Variants in COA1 observed in about 807,000 individuals in gnomAD.
COA1 encodes cytochrome c oxidase assembly factor 1 homolog.
COA1 carries 13 observed loss-of-function variants against 16.0 expected under a neutral mutation model. The ratio of observed to expected loss-of-function variants is 0.81; its 90% confidence interval spans 0.53 to 1.29. The LOEUF is 1.29. Among genes scored for constraint, COA1 ranks in the 50% most tolerant of loss-of-function variants. COA1 has a pLI of 0.00. For missense variants in COA1, 179 were observed against 177.0 expected (o/e 1.01, Z -0.06); for synonymous variants, 65 against 65.7 (o/e 0.99, Z 0.05).
At chr7:43,710,972 C>T (rs1249135752) in intron 1 of COA1, among the ~76,000 whole-genome samples, 4 of 151,670 alleles carry the variant, frequency 2.6e-5, no homozygotes, top group African/African-American at 9.7e-5. Context: ...ATAACTGCTC[C>T]AACCAGCAAT....
chr7:43,684,127 T>C (rs1040458738), intron 1 of COA1, among the ~76,000 whole-genome samples: 2 of 152,132 alleles, frequency 1.3e-5, no homozygotes, highest in Non-Finnish European at 2.9e-5. Flanking sequence ...AAAGGTAATT[T>C]TTTTTCCACA....
At chr7:43,637,675 T>TA (rs1247538937), downstream of COA1, among the ~76,000 whole-genome samples, 1 of 152,110 alleles carries the variant, frequency 6.6e-6, no homozygotes, top group African/African-American at 2.4e-5. Context: ...GAATCACCCA[T>TA]AAAGGCATTA....
rs1478917483 is a variant in COA1 at position 43,682,238 on chromosome 7, A to G, written c.-38-33586T>C. On this transcript the variant is annotated intron_variant, in intron 1 of 5. Coordinates refer to ENST00000223336, the MANE Select transcript of COA1 (RefSeq NM_018224.4). ...GTCAAACCATAAACAGACCACTAAG[A>G]CTTTCTTAGTCTACTCCAATGTAGT... is the stretch of plus-strand genomic sequence containing the variant. Among the ~76,000 whole-genome samples, 3 of 152,186 alleles carry G rather than the reference A, an allele frequency of 2.0e-5. No individual in the cohort carries two copies. In the East Asian group the frequency reaches 5.8e-4, roughly 29 times the overall value.
chr7:43,665,970 T>C (rs182083049), intron 1 of COA1, among the ~76,000 whole-genome samples: 9 of 152,262 alleles, frequency 5.9e-5, no homozygotes, highest in Admixed American at 5.9e-4. Flanking sequence ...TTTTGTTCTT[T>C]TGGGACCCTC....
At chr7:43,625,847 T>C (rs1247499983) in intron 6 of COA1, 1 of 152,016 alleles carries the variant, frequency 6.6e-6, no homozygotes, top group Non-Finnish European at 1.5e-5. Context: ...CTAGGAAAAG[T>C]TATAAAATGC....
intron 1 of COA1, among the ~76,000 whole-genome samples, chr7:43,684,908 T>G (rs1309053487): frequency 6.6e-6 from 1 of 152,046 alleles, no homozygotes; most frequent in Non-Finnish European, 1.5e-5. Flanking sequence ...ATCTTCACAT[T>G]CATCTCCCTC....
At chr7:43,632,384 A>G (rs1431097076) in intron 6 of COA1, 1 of 152,276 alleles carries the variant, frequency 6.6e-6, no homozygotes, top group Non-Finnish European at 1.5e-5. Context: ...GAAACCCTCC[A>G]AGTCCTCCAT....
intron 1 of COA1, among the ~76,000 whole-genome samples, chr7:43,722,839 C>T (rs773101474): frequency 3.9e-5 from 6 of 152,156 alleles, no homozygotes; most frequent in South Asian, 2.1e-4. Flanking sequence ...CAAAGTTCCA[C>T]GAGATCTGGA....
chr7:43,676,780 T>C (rs187940637), intron 1 of COA1, among the ~76,000 whole-genome samples: 1 of 152,114 alleles, frequency 6.6e-6, no homozygotes, highest in Non-Finnish European at 1.5e-5. Context: ...CATAAATATG[T>C]ACAATTAATA....
intron 1 of COA1, among the ~76,000 whole-genome samples, chr7:43,693,640 C>T (rs1563393621): frequency 6.6e-6 from 1 of 152,154 alleles, no homozygotes; most frequent in Non-Finnish European, 1.5e-5. Flanking sequence ...ACTGATCCTA[C>T]CATCTTTTCA....
intron 1 of COA1, among the ~76,000 whole-genome samples, chr7:43,660,115 G>A (rs2092274470): frequency 6.6e-6 from 1 of 152,100 alleles, no homozygotes; most frequent in African/African-American, 2.4e-5. Flanking sequence ...AAACCACCCA[G>A]TCTGTGCTAT....
At chr7:43,616,333 A>T (rs149790619) in intron 6 of COA1, among the ~76,000 whole-genome samples, 182 of 152,276 alleles carry the variant, frequency 1.2e-3, no homozygotes, top group Middle Eastern at 3.4e-3. Flanking sequence ...CTTATTGCTA[A>T]TATTTATACT....
chr7:43,670,630 T>C (rs2093201863), intron 1 of COA1, among the ~76,000 whole-genome samples: 1 of 152,124 alleles, frequency 6.6e-6, no homozygotes, highest in African/African-American at 2.4e-5. Flanking sequence ...TATAAAAATA[T>C]TAACTATAGA....
intron 1 of COA1, among the ~76,000 whole-genome samples, chr7:43,677,437 G>C (rs2093580094): frequency 6.6e-6 from 1 of 152,108 alleles, no homozygotes; most frequent in Non-Finnish European, 1.5e-5. Flanking sequence ...ATAAAACAGA[G>C]GTTTGCCAAA....
At chr7:43,680,252 A>T (rs1469222676) in intron 1 of COA1, among the ~76,000 whole-genome samples, 1 of 151,120 alleles carries the variant, frequency 6.6e-6, no homozygotes, top group African/African-American at 2.4e-5. Context: ...ACACACTTGG[A>T]AGTTACCATA....
chr7:43,717,973 G>A (rs941593317), intron 1 of COA1, among the ~76,000 whole-genome samples: 6 of 152,134 alleles, frequency 3.9e-5, no homozygotes, highest in African/African-American at 1.4e-4. Context: ...TGACTGTGAG[G>A]ATTCCCCAGC....
downstream of COA1, among the ~76,000 whole-genome samples, chr7:43,636,226 A>T (rs1386967802): frequency 6.6e-6 from 1 of 152,184 alleles, no homozygotes; most frequent in Non-Finnish European, 1.5e-5. Context: ...TCAACTCAGG[A>T]ACTCTGCCAA....
downstream of COA1, among the ~76,000 whole-genome samples, chr7:43,634,398 T>C (rs2085524185): frequency 2.0e-5 from 3 of 152,314 alleles, no homozygotes; most frequent in South Asian, 6.2e-4. Flanking sequence ...CTGAGCCCCT[T>C]TGAATACAGG....
intron 1 of COA1, among the ~76,000 whole-genome samples, chr7:43,658,431 C>G (rs576066461): frequency 2.0e-5 from 3 of 151,994 alleles, no homozygotes; most frequent in East Asian, 3.9e-4. Flanking sequence ...ACAAATCAAA[C>G]CTCTCGAAAC....
Sources: allele counts gnomAD v4.1 joint callset (sites outside exome capture counted in the v4.1 genomes callset), GRCh38; gene constraint gnomAD v4.1.1; transcripts MANE v1.5; gene names NCBI Gene and HGNC (gene_info 2026-07-23, HGNC 2026-07-21).